ENPP6: variants seen among roughly 807,000 people sequenced by gnomAD.
The protein encoded by ENPP6 is glycerophosphocholine cholinephosphodiesterase ENPP6.
ENPP6 carries 32 observed loss-of-function variants against 42.0 expected under a neutral mutation model. The observed-to-expected ratio is 0.76, with a 90% CI of 0.58 to 1.02. ENPP6 has a LOEUF of 1.02. Among genes scored for constraint, ENPP6 ranks in the 50% least tolerant of loss-of-function variants. The pLI, the probability that ENPP6 is intolerant of heterozygous loss-of-function variation, is 0.00. For synonymous variants in ENPP6, 213 were observed against 216.0 expected (o/e 0.99, Z 0.12); for missense variants, 552 against 566.8 (o/e 0.97, Z 0.27).
chr4:184,097,148 A>C (rs1735924628), intron 7 of ENPP6, 97 bp downstream of exon 7: 1 of 1,550,406 alleles, frequency 6.4e-7, no homozygotes, highest in Non-Finnish European at 8.8e-7. Flanking sequence ...AGGGTCTGTA[A>C]GGAAATCCCT....
At chr4:184,108,225 C>T (rs1736135405) in intron 6 of ENPP6, among the ~76,000 whole-genome samples, 1 of 152,176 alleles carries the variant, frequency 6.6e-6, no homozygotes, top group Non-Finnish European at 1.5e-5. Context: ...CATGGCTAAA[C>T]CAGAAACCAG....
At chr4:184,176,276 G>GGTACCAAATACTAAGTCT (rs1737560292) in intron 1 of ENPP6, among the ~76,000 whole-genome samples, 1 of 152,216 alleles carries the variant, frequency 6.6e-6, no homozygotes, top group African/African-American at 2.4e-5. Flanking sequence ...ACAGCTAACA[G>GGTACCAAATACTAAGTCT]GTACCAAATA....
At chr4:184,206,293 T>C (rs1732996225) in intron 1 of ENPP6, among the ~76,000 whole-genome samples, 2 of 122,712 alleles carry the variant, frequency 1.6e-5, no homozygotes, top group South Asian at 6.0e-4. Context: ...AGTCTCGCTC[T>C]GTCGCCCAGG....
At chr4:184,105,039 A>G (rs1736065631) in intron 6 of ENPP6, among the ~76,000 whole-genome samples, 1 of 152,238 alleles carries the variant, frequency 6.6e-6, no homozygotes, top group Admixed American at 6.5e-5. Context: ...AGGGCATTCC[A>G]GAGATTCTAC....
chr4:184,175,845 C>G (rs998042115), intron 1 of ENPP6, among the ~76,000 whole-genome samples: 1 of 152,212 alleles, frequency 6.6e-6, no homozygotes, highest in African/African-American at 2.4e-5. Context: ...ACGTCTTGGC[C>G]TGCTAGGTGC....
chr4:184,134,639 TC>T (rs1402031217), intron 2 of ENPP6, among the ~76,000 whole-genome samples: 2 of 151,528 alleles, frequency 1.3e-5, no homozygotes, highest in Non-Finnish European at 2.9e-5. Context: ...ATAAGCCTTG[TC>T]AAGTTTTCAT....
chr4:184,127,749 C>A (rs942051008), intron 2 of ENPP6, among the ~76,000 whole-genome samples: 1 of 152,156 alleles, frequency 6.6e-6, no homozygotes, highest in East Asian at 1.9e-4. Context: ...AAGAGCGAAA[C>A]TCCATATCCA....
intron 1 of ENPP6, among the ~76,000 whole-genome samples, chr4:184,173,364 T>C (rs1465373121): frequency 6.6e-6 from 1 of 152,216 alleles, no homozygotes; most frequent in Non-Finnish European, 1.5e-5. Context: ...AAACGATGTA[T>C]TAAATTCTGC....
chr4:184,152,175 C>A (rs564503625), intron 2 of ENPP6, among the ~76,000 whole-genome samples: 1 of 152,190 alleles, frequency 6.6e-6, no homozygotes, highest in African/African-American at 2.4e-5. Context: ...TTGTACGGTG[C>A]GCGCCACGCC....
intron 2 of ENPP6, among the ~76,000 whole-genome samples, chr4:184,142,366 A>G (rs1013403787): frequency 6.6e-6 from 1 of 152,262 alleles, no homozygotes; most frequent in African/African-American, 2.4e-5. Context: ...AGCTAAGCCA[A>G]TTAACTCTCC....
At chr4:184,177,547 G>A (rs1318125128) in intron 1 of ENPP6, among the ~76,000 whole-genome samples, 1 of 152,204 alleles carries the variant, frequency 6.6e-6, no homozygotes, top group Non-Finnish European at 1.5e-5. Context: ...CTCTGATCCT[G>A]TGACTCCTGA....
chr4:184,183,562 A>G (rs1732588692), intron 1 of ENPP6, among the ~76,000 whole-genome samples: 1 of 152,226 alleles, frequency 6.6e-6, no homozygotes, highest in Non-Finnish European at 1.5e-5. Context: ...TGCCAAGCTC[A>G]CAAGTGATCC....
intron 1 of ENPP6, among the ~76,000 whole-genome samples, chr4:184,156,824 G>A (rs1030327992): frequency 7.9e-5 from 12 of 152,214 alleles, no homozygotes; most frequent in African/African-American, 2.2e-4. Context: ...AAGCATGTTC[G>A]ACGTAGTGAC....
chr4:184,116,000 G>A (rs892128203), intron 5 of ENPP6, among the ~76,000 whole-genome samples: 1 of 151,994 alleles, frequency 6.6e-6, no homozygotes, highest in Non-Finnish European at 1.5e-5. Context: ...TGGATCACGA[G>A]GTCAGGAGAT....
At position 184,089,619 on chromosome 4, in the gene ENPP6, G is replaced by T. The variant is rs543363340; in HGVS notation, c.*1558C>A. ...GCCTCCCAAGTAGCTGAGACCACAG[G>T]CATGTGCCACCATGCCTGGCTAATT... On this transcript the variant is annotated 3_prime_UTR_variant, in exon 8 of 8. Coordinates refer to ENST00000296741, the MANE Select transcript of ENPP6 (RefSeq NM_153343.4). 14 of 152,242 alleles carry T rather than the reference G, an allele frequency of 9.2e-5. No homozygotes were observed. The highest frequency in any genetic ancestry group is 3.1e-4 in the African/African-American group (13 of 41,486). The allele number at this position is 152,242 out of a possible 1,614,324, so 9.4% of individuals were successfully genotyped here.
At chr4:184,152,113 G>T (rs374406300) in intron 2 of ENPP6, among the ~76,000 whole-genome samples, 4 of 152,214 alleles carry the variant, frequency 2.6e-5, no homozygotes, top group Non-Finnish European at 4.4e-5. Context: ...CATGCAGCCT[G>T]CCCTGGCCTT....
intron 6 of ENPP6, among the ~76,000 whole-genome samples, chr4:184,099,245 G>A (rs1269796367): frequency 6.6e-6 from 1 of 152,246 alleles, no homozygotes; most frequent in Admixed American, 6.5e-5. Context: ...CCAGTGAGGT[G>A]TCACCTTGCA....
At chr4:184,197,785 G>A (rs904580461) in intron 1 of ENPP6, among the ~76,000 whole-genome samples, 2 of 152,324 alleles carry the variant, frequency 1.3e-5, no homozygotes, top group Admixed American at 6.5e-5. Flanking sequence ...AATAGACTAT[G>A]AAAGTCACTC....
chr4:184,105,704 G>A (rs572780681), intron 6 of ENPP6, among the ~76,000 whole-genome samples: 1 of 152,210 alleles, frequency 6.6e-6, no homozygotes, highest in African/African-American at 2.4e-5. Flanking sequence ...TTTATTATCT[G>A]CAAAATATAA....
Sources: allele counts gnomAD v4.1 joint callset (sites outside exome capture counted in the v4.1 genomes callset), GRCh38; gene constraint gnomAD v4.1.1; transcripts MANE v1.5; gene names NCBI Gene and HGNC (gene_info 2026-07-23, HGNC 2026-07-21).